IL19: variants seen among roughly 807,000 people sequenced by gnomAD.
The protein encoded by IL19 is interleukin 19, also known as interleukin-19.
Under a neutral mutation model 19.5 loss-of-function variants are expected in IL19, and 15 were observed. That is an observed-to-expected ratio of 0.77 (90% CI 0.52 to 1.19). IL19 has a LOEUF of 1.19. Ranked by LOEUF, IL19 falls within the 50% of genes most tolerant of loss-of-function variation. The pLI, the probability that IL19 is intolerant of heterozygous loss-of-function variation, is 0.00. For missense variants in IL19, 199 were observed against 213.1 expected, an observed-to-expected ratio of 0.93 and a Z score of 0.41; for synonymous variants, 78 against 78.3, an observed-to-expected ratio of 1.00 and a Z score of 0.02.
At chr1:206,833,623 G>C in intron 2 of IL19, 1 of 977,306 alleles carries the variant, frequency 1.0e-6, no homozygotes, top group South Asian at 4.7e-5. Flanking sequence ...ATGTAAAAAG[G>C]TAATTTAGTT....
intron 1 of IL19, among the ~76,000 whole-genome samples, chr1:206,781,967 A>AAACATT (rs1455307538): frequency 1.6e-4 from 11 of 69,374 alleles, no homozygotes; most frequent in Admixed American, 6.2e-4. Flanking sequence ...ATATATATGT[A>AAACATT]TATGTTATAT....
rs572357009 is a variant in IL19 at position 206,802,476 on chromosome 1, T to A, written c.-3+3470T>A. Among the ~76,000 whole-genome samples the A allele has an allele frequency of 1.2e-4, 18 of 152,178 alleles. No individual in the cohort carries two copies. The South Asian group carries it at 1.9e-3, about 16-fold the overall frequency. On this transcript the variant is annotated intron_variant, in intron 2 of 6. Coordinates refer to ENST00000659997, the MANE Select transcript of IL19 (RefSeq NM_153758.5). ...CAAGCGATTACCCCTATTTTACAGA[T>A]AAGGAAACTAAATGTCAGAGAGTTC...
intron 1 of IL19, among the ~76,000 whole-genome samples, chr1:206,790,990 G>T (rs904583653): frequency 7.2e-5 from 11 of 152,128 alleles, no homozygotes; most frequent in African/African-American, 2.7e-4. Context: ...ATTCTCTGTT[G>T]TGTGGTGCCT....
chr1:206,802,383 T>A (rs766917129), intron 2 of IL19, among the ~76,000 whole-genome samples: 21 of 152,126 alleles, frequency 1.4e-4, no homozygotes, highest in Middle Eastern at 3.2e-3. Flanking sequence ...TTTTTCTGCC[T>A]TCCATGTACC....
chr1:206,799,291 C>G (rs1010671129), intron 2 of IL19, among the ~76,000 whole-genome samples: 1 of 152,158 alleles, frequency 6.6e-6, no homozygotes, highest in South Asian at 2.1e-4. Context: ...AGCTCCCATA[C>G]TGGTCATGGC....
At chr1:206,825,740 G>C (rs1676422052) in intron 2 of IL19, among the ~76,000 whole-genome samples, 1 of 152,240 alleles carries the variant, frequency 6.6e-6, no homozygotes, top group Admixed American at 6.5e-5. Flanking sequence ...CTGTTCATGT[G>C]GAACTCGCCA....
chr1:206,833,787 T>C, intron 2 of IL19: 2 of 985,530 alleles, frequency 2.0e-6, no homozygotes, highest in Non-Finnish European at 2.4e-6. Context: ...GGGAAATAGA[T>C]GATGTGCAAA....
intron 2 of IL19, among the ~76,000 whole-genome samples, chr1:206,820,192 C>G (rs1014578140): frequency 6.6e-6 from 1 of 152,112 alleles, no homozygotes; most frequent in African/African-American, 2.4e-5. Context: ...ATAAATATGG[C>G]CCCCCTAAAC....
chr1:206,783,123 T>A (rs2102449749), intron 1 of IL19, among the ~76,000 whole-genome samples: 1 of 152,266 alleles, frequency 6.6e-6, no homozygotes, highest in African/African-American at 2.4e-5. Context: ...GGCACCCTTT[T>A]AGGAACTGGG....
At chr1:206,792,493 G>T (rs1237036107) in intron 1 of IL19, among the ~76,000 whole-genome samples, 2 of 151,936 alleles carry the variant, frequency 1.3e-5, no homozygotes, top group African/African-American at 4.8e-5. Flanking sequence ...GTCTTGCTCT[G>T]TCGCACATGC....
At chr1:206,781,414 CAAAAA>C (rs57060549) in intron 1 of IL19, among the ~76,000 whole-genome samples, 2 of 43,024 alleles carry the variant, frequency 4.6e-5, no homozygotes, top group Non-Finnish European at 8.4e-5. Flanking sequence ...GACTCTGTCT[CAAAAA>C]AAAAAAAAAA....
chr1:206,814,443 C>A (rs1381063890), intron 2 of IL19, among the ~76,000 whole-genome samples: 2 of 149,570 alleles, frequency 1.3e-5, no homozygotes, highest in Non-Finnish European at 3.0e-5. Flanking sequence ...GTAATCCCAG[C>A]ACTTTAGGAG....
chr1:206,830,577 T>TTATATA (rs386354544), intron 2 of IL19, among the ~76,000 whole-genome samples: 1 of 150,022 alleles, frequency 6.7e-6, no homozygotes, highest in Non-Finnish European at 1.5e-5. Flanking sequence ...ATTATCAGTT[T>TTATATA]TATATATATA....
intron 2 of IL19, among the ~76,000 whole-genome samples, chr1:206,836,195 G>C (rs779724647): frequency 6.6e-5 from 10 of 152,320 alleles, no homozygotes; most frequent in African/African-American, 2.2e-4. Flanking sequence ...TATAATAAAA[G>C]GGTGTTACTT....
intron 2 of IL19, among the ~76,000 whole-genome samples, chr1:206,829,300 T>A (rs917018607): frequency 6.6e-6 from 1 of 152,172 alleles, no homozygotes; most frequent in Non-Finnish European, 1.5e-5. Flanking sequence ...AAGTTAAATA[T>A]GCATCTTGTA....
chr1:206,832,406 G>A (rs920254759), intron 2 of IL19, among the ~76,000 whole-genome samples: 5 of 152,064 alleles, frequency 3.3e-5, no homozygotes, highest in Admixed American at 6.6e-5. Context: ...TCTGCAATAG[G>A]GCCACATATT....
intron 2 of IL19, among the ~76,000 whole-genome samples, chr1:206,811,202 T>C (rs1456321292): frequency 6.6e-6 from 1 of 152,072 alleles, no homozygotes; most frequent in African/African-American, 2.4e-5. Context: ...TCATGGTGCA[T>C]CTAGGAATGA....
At position 206,785,645 on chromosome 1, in the gene IL19, G is replaced by C. The variant is rs61421951; in HGVS notation, c.-148-13216G>C. Among the ~76,000 whole-genome samples the C allele has an allele frequency of 3.8e-4, 58 of 152,346 alleles. 1 individual carries two copies. In the South Asian group the frequency reaches 9.5e-3, roughly 25 times the overall value. On this transcript the variant is annotated intron_variant, in intron 1 of 6. Transcript: ENST00000659997. ...GACCTCCAGAGAGGGCAGCCAGGGA[G>C]AGGGAGCAGAGTGTGACAGAAGTTG...
intron 1 of IL19, among the ~76,000 whole-genome samples, chr1:206,782,056 TAC>T (rs1477093788): frequency 1.6e-5 from 1 of 61,440 alleles, no homozygotes; most frequent in Non-Finnish European, 4.4e-5. Context: ...TAGTTATATA[TAC>T]ATATATGTGT....
Sources: allele counts gnomAD v4.1 joint callset (sites outside exome capture counted in the v4.1 genomes callset), GRCh38; gene constraint gnomAD v4.1.1; transcripts MANE v1.5; gene names NCBI Gene and HGNC (gene_info 2026-07-23, HGNC 2026-07-21).